The following DHX57 variants were observed in gnomAD, a reference collection of about 807,000 sequenced individuals.
The protein encoded by DHX57 is putative ATP-dependent RNA helicase DHX57.
Under a neutral mutation model 156.2 loss-of-function variants are expected in DHX57, and 105 were observed. The observed-to-expected ratio is 0.67, with a 90% CI of 0.57 to 0.79. The LOEUF is 0.79. DHX57 is among the 30% of genes least tolerant of loss of function. The pLI, the probability that DHX57 is intolerant of heterozygous loss-of-function variation, is 0.00. For missense variants in DHX57, 1,847 were observed against 1,661.9 expected (o/e 1.11, Z -1.94); for synonymous variants, 704 against 595.6 (o/e 1.18, Z -2.65).
At chr2:38,849,053 A>T (rs1672438872) in intron 9 of DHX57, among the ~76,000 whole-genome samples, 1 of 152,232 alleles carries the variant, frequency 6.6e-6, no homozygotes, top group Non-Finnish European at 1.5e-5. Context: ...TACAAATTTG[A>T]TAATTCTACT....
At chr2:38,842,261 C>T (rs1056422411) in intron 12 of DHX57, among the ~76,000 whole-genome samples, 3 of 152,090 alleles carry the variant, frequency 2.0e-5, no homozygotes, top group African/African-American at 7.2e-5. Flanking sequence ...ATGTCAAGGT[C>T]ACTAAAAGAC....
In DHX57 at chr2:38,802,709, C is replaced by A; in HGVS notation, c.4017+6G>T. ...GCCTCATAAAACAGACCAATTCTGC[C>A]TTTACCTGATGGGAAGCAGCTACAA... On this transcript the variant is annotated splice_donor_region_variant and intron_variant, in intron 23 of 23. Transcript: ENST00000457308. 6.2e-7 allele frequency: 1 copy of A among 1,613,888 alleles called. No individual in the cohort carries two copies. Among genetic ancestry groups the A allele is most frequent in the South Asian group, 1.1e-5 (1 of 91,076 alleles).
chr2:38,826,125 T>C, intron 15 of DHX57, 78 bp from the exon 16 acceptor site: 1 of 1,417,940 alleles, frequency 7.1e-7, no homozygotes, highest in Non-Finnish European at 9.6e-7. Flanking sequence ...ACAGAATAGA[T>C]GAACCAGCTT....
At chr2:38,854,623 G>A (rs1009365880) in intron 8 of DHX57, 33 of 162,910 alleles carry the variant, frequency 2.0e-4, no homozygotes, top group Admixed American at 1.0e-3. Context: ...GTGCAATGGC[G>A]CAATCTCGGC....
chr2:38,870,101 A>G (rs144368237), intron 1 of DHX57, among the ~76,000 whole-genome samples: 230 of 152,266 alleles, frequency 1.5e-3, no homozygotes, highest in Middle Eastern at 3.4e-3. Flanking sequence ...AACCATAAAC[A>G]TGAACTAGCA....
intron 21 of DHX57, among the ~76,000 whole-genome samples, chr2:38,812,841 C>CTTGTTTGT (rs71693783): frequency 0.086 from 11,421 of 132,616 alleles, 678 homozygotes; most frequent in African/African-American, 0.19. Flanking sequence ...CCCTTATTTA[C>CTTGTTTGT]TTGTTTGTTT....
chr2:38,858,877 T>C, intron 5 of DHX57, 41 bp from the exon 6 acceptor site: 2 of 1,564,046 alleles, frequency 1.3e-6, no homozygotes, highest in Non-Finnish European at 1.7e-6. Flanking sequence ...ATGGAGCCCT[T>C]TCTTTAACAA....
At position 38,861,626 on chromosome 2, in the gene DHX57, T is replaced by C; in HGVS notation, c.784A>G (p.Lys262Glu). 1 of 1,614,194 alleles carries C rather than the reference T, an allele frequency of 6.2e-7. No homozygotes were observed. Among genetic ancestry groups the C allele is most frequent in the African/African-American group, 1.3e-5 (1 of 75,054 alleles). The change falls in exon 5 of 24, where the codon AAA (lysine) becomes GAA (glutamate). Residue 262 changes from lysine (K) to glutamate (E), a missense_variant. Coordinates refer to ENST00000457308, the MANE Select transcript of DHX57 (RefSeq NM_198963.3). ...CTGTTCTGAATTCTTTCTATAAATT[T>C]TTCTCCACAGATGGACTTGAGAGCA... is the stretch of plus-strand genomic sequence containing the variant. ...AFALKSICGE[K>E]FIERIQNRVW...
chr2:38,821,698 C>G (rs537513333), intron 17 of DHX57, among the ~76,000 whole-genome samples: 1 of 151,636 alleles, frequency 6.6e-6, no homozygotes, highest in South Asian at 2.1e-4. Context: ...ATCTCAAAAA[C>G]AAAAAATAAA....
chr2:38,867,045 C>G (rs1665112279), intron 2 of DHX57: 1 of 152,228 alleles, frequency 6.6e-6, no homozygotes. Flanking sequence ...TTTTTAATCT[C>G]TTATACTCTA....
intron 19 of DHX57, among the ~76,000 whole-genome samples, chr2:38,818,235 T>G (rs896293109): frequency 2.6e-5 from 4 of 152,032 alleles, no homozygotes; most frequent in Admixed American, 6.6e-5. Context: ...AGGTTAAGAA[T>G]GCCTGGTGTA....
chr2:38,838,740 T>A (rs1558382814), intron 12 of DHX57: 1 of 454,132 alleles, frequency 2.2e-6, no homozygotes, highest in African/African-American at 2.0e-5. Flanking sequence ...AACCTTTAGG[T>A]TCCTTTGAGA....
Position 38,802,663 on chromosome 2 carries a change from T to C in DHX57, c.4017+52A>G. ...CCCTTGACTTCATAACTTCATATTG[T>C]CAAAGCCCCTCATGGCCTGAGCCTC... On this transcript the variant is annotated intron_variant, in intron 23 of 23. Coordinates refer to ENST00000457308, the MANE Select transcript of DHX57 (RefSeq NM_198963.3). The C allele has an allele frequency of 3.1e-6, 5 of 1,604,130 alleles. No homozygotes were observed. The South Asian group carries it at 5.5e-5, about 18-fold the overall frequency.
chr2:38,848,252 T>C lies in DHX57; in HGVS notation c.2164+17A>G, dbSNP rs780892857. 10 of 1,568,646 alleles carry C rather than the reference T, an allele frequency of 6.4e-6. No homozygotes were observed. The East Asian group carries it at 2.0e-4, about 32-fold the overall frequency. ...GCTTATTAGAATGATACATATTTAA[T>C]GATGCATTTTATTCACCTGGTATAG... On this transcript the variant is annotated intron_variant, in intron 10 of 23. Transcript: ENST00000457308.
At chr2:38,853,880 G>C (rs1672742340) in intron 9 of DHX57, 174 bp downstream of exon 9, 1 of 530,148 alleles carries the variant, frequency 1.9e-6, no homozygotes, top group Non-Finnish European at 3.3e-6. Flanking sequence ...GTCCTTTTTA[G>C]TGTTACAGAC....
intron 12 of DHX57, among the ~76,000 whole-genome samples, chr2:38,839,306 G>C (rs958892361): frequency 4.6e-5 from 7 of 152,072 alleles, no homozygotes; most frequent in Non-Finnish European, 5.9e-5. Context: ...TTCTTCTCAG[G>C]CTCTCCTAAT....
chr2:38,871,268 T>A (rs1335157923), intron 1 of DHX57, among the ~76,000 whole-genome samples: 1 of 152,220 alleles, frequency 6.6e-6, no homozygotes, highest in South Asian at 2.1e-4. Context: ...GTTGGGCATG[T>A]CACCTACAAG....
intron 1 of DHX57, among the ~76,000 whole-genome samples, chr2:38,873,468 CAG>C (rs1248893031): frequency 6.6e-6 from 1 of 152,142 alleles, no homozygotes; most frequent in Non-Finnish European, 1.5e-5. Context: ...CATATGTATT[CAG>C]AGTTTATCTT....
At chr2:38,848,656 A>G (rs534421655) in intron 9 of DHX57, among the ~76,000 whole-genome samples, 1 of 152,352 alleles carries the variant, frequency 6.6e-6, no homozygotes, top group East Asian at 1.9e-4. Flanking sequence ...ATAGTTGCAT[A>G]TACATAATGA....
Sources: allele counts gnomAD v4.1 joint callset (sites outside exome capture counted in the v4.1 genomes callset), GRCh38; gene constraint gnomAD v4.1.1; transcripts MANE v1.5; gene names NCBI Gene and HGNC (gene_info 2026-07-23, HGNC 2026-07-21).